METTL15: variants seen among roughly 807,000 people sequenced by gnomAD.
METTL15 encodes methyltransferase 15, mitochondrial 12S rRNA N4-cytidine, also known as 12S rRNA N(4)-cytidine methyltransferase METTL15.
A neutral mutation model predicts 38.3 loss-of-function variants in METTL15; 34 were observed. The ratio of observed to expected loss-of-function variants is 0.89; its 90% CI spans 0.68 to 1.18. METTL15 has a LOEUF of 1.18. Ranked by LOEUF, METTL15 falls within the 50% of genes most tolerant of loss-of-function variation. The pLI, the probability that METTL15 is intolerant of heterozygous loss-of-function variation, is 0.00. For missense variants in METTL15, 438 were observed against 498.4 expected (o/e 0.88, Z 1.15); for synonymous variants, 162 against 170.9 (o/e 0.95, Z 0.41).
intron 3 of METTL15, among the ~76,000 whole-genome samples, chr11:28,339,604 C>T (rs1849932465): frequency 6.6e-6 from 1 of 150,798 alleles, no homozygotes; most frequent in African/African-American, 2.4e-5. Context: ...AATTGGCCTC[C>T]CAAAAAGAGA....
At chr11:28,483,786 A>G (rs1244142007) in intron 6 of METTL15, among the ~76,000 whole-genome samples, 1 of 152,176 alleles carries the variant, frequency 6.6e-6, no homozygotes, top group African/African-American at 2.4e-5. Flanking sequence ...GTTCTAAGGT[A>G]CTGAAACCCT....
At chr11:28,217,219 A>G (rs551245309) in intron 4 of METTL15, among the ~76,000 whole-genome samples, 335 of 151,762 alleles carry the variant, frequency 2.2e-3, no homozygotes, top group Non-Finnish European at 3.5e-3. Context: ...CCTCTCCAGC[A>G]CCTGTTGTTT....
At chr11:28,400,708 CAA>C (rs781471089) in intron 5 of METTL15, among the ~76,000 whole-genome samples, 12 of 151,834 alleles carry the variant, frequency 7.9e-5, no homozygotes, top group Non-Finnish European at 1.3e-4. Context: ...TGGATAAAAT[CAA>C]AGTTTCATCC....
At chr11:28,241,963 A>C (rs988493657) in intron 4 of METTL15, among the ~76,000 whole-genome samples, 5 of 152,198 alleles carry the variant, frequency 3.3e-5, no homozygotes, top group Admixed American at 1.3e-4. Flanking sequence ...CAGAGTTTTC[A>C]GTGAGTGACA....
At chr11:28,224,639 C>T (rs562918380) in intron 4 of METTL15, among the ~76,000 whole-genome samples, 14 of 151,652 alleles carry the variant, frequency 9.2e-5, no homozygotes, top group African/African-American at 1.9e-4. Context: ...TTAAAACACA[C>T]GATTTTATTG....
chr11:28,307,071 C>T (rs1415456373), intron 6 of METTL15, among the ~76,000 whole-genome samples: 1 of 151,826 alleles, frequency 6.6e-6, no homozygotes, highest in East Asian at 1.9e-4. Flanking sequence ...TATTGTATCA[C>T]TGTAATCTTC....
rs1169358350 is a variant in METTL15, at chr11:28,166,656, A to G, written c.271-44406A>G. Among the ~76,000 whole-genome samples the G allele has an allele frequency of 2.0e-5, 3 of 152,174 alleles. No homozygotes were observed. In the East Asian group the frequency reaches 5.8e-4, roughly 29 times the overall value. On this transcript the variant is annotated intron_variant, in intron 3 of 6. Transcript: ENST00000407364. ...TTAGGCTGGGACTTCACAATGAAAA[A>G]ATGCTGAAACTGGCCAGGCATAGTG...
intron 3 of METTL15, among the ~76,000 whole-genome samples, chr11:28,184,358 T>C (rs1019872068): frequency 1.3e-5 from 2 of 152,048 alleles, no homozygotes; most frequent in Non-Finnish European, 2.9e-5. Context: ...TGTTAGAGTG[T>C]CAATTTTAGA....
At chr11:28,356,099 G>A (rs1407459195) in intron 4 of METTL15, among the ~76,000 whole-genome samples, 2 of 152,114 alleles carry the variant, frequency 1.3e-5, no homozygotes, top group Non-Finnish European at 2.9e-5. Flanking sequence ...GCTCCCTCTT[G>A]TCTCTCAGTT....
chr11:28,203,319 A>G (rs1298663930), intron 3 of METTL15, among the ~76,000 whole-genome samples: 2 of 152,070 alleles, frequency 1.3e-5, no homozygotes, highest in Admixed American at 6.6e-5. Context: ...CATTTATACT[A>G]AATCATATAC....
At chr11:28,370,275 C>A (rs921315713) in intron 5 of METTL15, among the ~76,000 whole-genome samples, 1 of 150,952 alleles carries the variant, frequency 6.6e-6, no homozygotes, top group Admixed American at 6.7e-5. Context: ...TTTGGGAGAT[C>A]CACTTAGCTC....
At chr11:28,429,291 A>T (rs1850891058) in intron 6 of METTL15, among the ~76,000 whole-genome samples, 1 of 151,944 alleles carries the variant, frequency 6.6e-6, no homozygotes, top group African/African-American at 2.4e-5. Flanking sequence ...GAAAGTCAAG[A>T]GTAACTTGAA....
Position 28,373,890 on chromosome 11 carries a change from C to G in METTL15, c.*358+11854C>G, listed in dbSNP as rs2133377682. On this transcript the variant is annotated intron_variant and NMD_transcript_variant, in intron 5 of 7. Transcript: ENST00000532947. ...GTTTCAGCTTTCTACATATGGCTAG[C>G]CAGTTTTCCCAGCACCACTTATTAA... Among the ~76,000 whole-genome samples, 5 of 152,236 alleles carry G rather than the reference C, an allele frequency of 3.3e-5. 1 individual carries two copies. In the Middle Eastern group the frequency reaches 0.017, roughly 518 times the overall value.
intron 5 of METTL15, among the ~76,000 whole-genome samples, chr11:28,377,714 C>G (rs1054523119): frequency 6.6e-6 from 1 of 152,192 alleles, no homozygotes; most frequent in African/African-American, 2.4e-5. Flanking sequence ...AGCTGCATTC[C>G]TTTGGATGAG....
chr11:28,244,474 T>A (rs1053847397), intron 4 of METTL15, among the ~76,000 whole-genome samples: 1 of 152,152 alleles, frequency 6.6e-6, no homozygotes, highest in Non-Finnish European at 1.5e-5. Flanking sequence ...TTTTCTTTTT[T>A]AATTTGTGTT....
At position 28,328,526 on chromosome 11, in the gene METTL15, T is replaced by C. The variant is rs564388262; in HGVS notation, c.779-1870T>C. 6.6e-5 allele frequency among the ~76,000 whole-genome samples: 10 copies of C among 152,232 alleles called. No individual in the cohort carries two copies. The South Asian group carries it at 2.1e-3, about 32-fold the overall frequency. On this transcript the variant is annotated intron_variant, in intron 6 of 6. Transcript: ENST00000407364. ...GCTAAGGAGATTAAAATGCCAAGAT[T>C]GCAGTTATTTTCTGAGATCTTCATT...
intron 4 of METTL15, among the ~76,000 whole-genome samples, chr11:28,272,578 G>T (rs548725469): frequency 6.6e-6 from 1 of 152,254 alleles, no homozygotes; most frequent in South Asian, 2.1e-4. Context: ...GGGGGTGTGC[G>T]TTCAGGACAG....
At chr11:28,229,857 C>A (rs191018454) in intron 4 of METTL15, among the ~76,000 whole-genome samples, 27 of 152,148 alleles carry the variant, frequency 1.8e-4, no homozygotes, top group Non-Finnish European at 3.2e-4. Context: ...CCCAGACTTA[C>A]TTTTTATTGA....
At chr11:28,146,814 C>T (rs1026237559) in intron 3 of METTL15, among the ~76,000 whole-genome samples, 2 of 151,894 alleles carry the variant, frequency 1.3e-5, no homozygotes, top group Non-Finnish European at 2.9e-5. Flanking sequence ...GGCTTGCTTA[C>T]ATTCCTTTAC....
Sources: allele counts gnomAD v4.1 joint callset (sites outside exome capture counted in the v4.1 genomes callset), GRCh38; gene constraint gnomAD v4.1.1; transcripts MANE v1.5; gene names NCBI Gene and HGNC (gene_info 2026-07-23, HGNC 2026-07-21).